The following SLIT3 variants were observed in gnomAD, a reference collection of about 807,000 sequenced individuals.
SLIT3 encodes slit homolog 3 protein.
SLIT3 carries 68 observed loss-of-function variants against 184.0 expected under a neutral mutation model. The observed-to-expected ratio is 0.37, with a 90% CI of 0.30 to 0.45. The LOEUF (loss-of-function observed/expected upper bound fraction) is 0.45. SLIT3 is among the 20% of genes least tolerant of loss of function. SLIT3 has a pLI of 1.00. For missense variants in SLIT3, 1,707 were observed against 2,026.0 expected (o/e 0.84, Z 3.02); for synonymous variants, 831 against 828.6 (o/e 1.00, Z -0.05).
chr5:168,755,527 A>C (rs1345306357), intron 16 of SLIT3, among the ~76,000 whole-genome samples: 1 of 151,132 alleles, frequency 6.6e-6, no homozygotes, highest in Non-Finnish European at 1.5e-5. Flanking sequence ...CTCTGCCCCC[A>C]GGGTTCAAGT....
At chr5:168,693,661 T>C (rs1266236584) in intron 28 of SLIT3, among the ~76,000 whole-genome samples, 1 of 151,778 alleles carries the variant, frequency 6.6e-6, no homozygotes, top group Non-Finnish European at 1.5e-5. Flanking sequence ...AGGAATGGGG[T>C]GGGAGCAGGG....
intron 31 of SLIT3, among the ~76,000 whole-genome samples, chr5:168,685,401 C>T (rs527599274): frequency 7.4e-4 from 113 of 152,208 alleles, no homozygotes; most frequent in Admixed American, 2.6e-3. Context: ...CTGTCTTGAA[C>T]TGAATCCCAA....
intron 12 of SLIT3, among the ~76,000 whole-genome samples, chr5:168,781,551 G>A (rs149767454): frequency 2.8e-4 from 43 of 152,264 alleles, no homozygotes; most frequent in Non-Finnish European, 4.4e-4. Context: ...GTCCCACCTC[G>A]ATTGGGTCTC....
At chr5:168,731,318 C>T (rs1205477767) in intron 20 of SLIT3, among the ~76,000 whole-genome samples, 1 of 151,706 alleles carries the variant, frequency 6.6e-6, no homozygotes, top group African/African-American at 2.4e-5. Context: ...TAAACTGCCA[C>T]CAAAAAGCCC....
At chr5:168,957,432 T>C (rs1210374612) in intron 4 of SLIT3, among the ~76,000 whole-genome samples, 2 of 152,168 alleles carry the variant, frequency 1.3e-5, no homozygotes, top group African/African-American at 4.8e-5. Context: ...CTGTGTCTTG[T>C]AGACCAAAGT....
intron 4 of SLIT3, among the ~76,000 whole-genome samples, chr5:169,124,719 T>G (rs1761011299): frequency 1.3e-5 from 2 of 152,174 alleles, no homozygotes; most frequent in Admixed American, 6.5e-5. Flanking sequence ...ACCAATAATA[T>G]CACCGAGAGA....
chr5:168,917,020 T>G (rs1464891854), intron 4 of SLIT3, among the ~76,000 whole-genome samples: 1 of 152,186 alleles, frequency 6.6e-6, no homozygotes, highest in African/African-American at 2.4e-5. Flanking sequence ...TCATACAACA[T>G]GACTAATATG....
chr5:169,107,072 C>T (rs1355764995), intron 4 of SLIT3, among the ~76,000 whole-genome samples: 2 of 152,260 alleles, frequency 1.3e-5, no homozygotes, highest in African/African-American at 4.8e-5. Flanking sequence ...GGCGTCCTTG[C>T]AGCCACTTCA....
chr5:168,904,570 T>C (rs1760983033), intron 4 of SLIT3, among the ~76,000 whole-genome samples: 3 of 152,222 alleles, frequency 2.0e-5, no homozygotes, highest in South Asian at 2.1e-4. Context: ...CCTTTTGGCA[T>C]AGCCTTCAAT....
At chr5:168,830,785 G>A (rs1757856656) in intron 6 of SLIT3, among the ~76,000 whole-genome samples, 1 of 152,154 alleles carries the variant, frequency 6.6e-6, no homozygotes, top group African/African-American at 2.4e-5. Context: ...GTGACACCAG[G>A]ACCTATATTT....
At chr5:169,046,189 A>G (rs1757616957) in intron 4 of SLIT3, among the ~76,000 whole-genome samples, 1 of 152,164 alleles carries the variant, frequency 6.6e-6, no homozygotes, top group African/African-American at 2.4e-5. Context: ...GGTATTGCCT[A>G]GAGGGACTGT....
At chr5:169,141,734 G>A (rs1389605243) in intron 4 of SLIT3, among the ~76,000 whole-genome samples, 2 of 120,750 alleles carry the variant, frequency 1.7e-5, no homozygotes, top group African/African-American at 3.2e-5. Context: ...GTGAGACTCT[G>A]TCTCAAAAAA....
intron 4 of SLIT3, chr5:169,038,069 C>T (rs1483595949): frequency 6.6e-6 from 1 of 152,206 alleles, no homozygotes; most frequent in Non-Finnish European, 1.5e-5. Context: ...TTTCCAACCT[C>T]TCATGTGCCA....
intron 24 of SLIT3, among the ~76,000 whole-genome samples, chr5:168,711,525 GTTTT>G (rs935792919): frequency 6.8e-6 from 1 of 146,232 alleles, no homozygotes; most frequent in Admixed American, 6.8e-5. Flanking sequence ...TAGAAATTCT[GTTTT>G]TTTTTTTAAA....
At chr5:168,692,218 C>T (rs780881107) in intron 29 of SLIT3, among the ~76,000 whole-genome samples, 1 of 152,168 alleles carries the variant, frequency 6.6e-6, no homozygotes, top group South Asian at 2.1e-4. Context: ...GACCAAATAC[C>T]CTTTAGACGC....
intron 6 of SLIT3, among the ~76,000 whole-genome samples, chr5:168,836,038 C>T (rs1177319516): frequency 6.6e-6 from 1 of 152,162 alleles, no homozygotes; most frequent in Non-Finnish European, 1.5e-5. Flanking sequence ...TTCTTCCCAG[C>T]CTTGTGTCTC....
In SLIT3 at chr5:168,717,056, G is replaced by A. The variant is rs7717398; in HGVS notation, c.2484-4702C>T. On this transcript the variant is annotated intron_variant, in intron 23 of 35. Transcript: ENST00000519560. ...TGTCCAGGGCATTTATATTCTCCCG[G>A]CCTAGAATGTTCTTCACTCCCATCC... is the stretch of plus-strand genomic sequence containing the variant. 9.1e-3 allele frequency among the ~76,000 whole-genome samples: 1,177 copies of A among 128,924 alleles called. 14 individuals carry two copies. The highest frequency in any genetic ancestry group is 0.034 in the African/African-American group (1,074 of 31,524). 84.6% of individuals were successfully genotyped at this position (128,924 alleles called of 152,430 possible).
chr5:168,967,305 C>A (rs1236546717), intron 4 of SLIT3, among the ~76,000 whole-genome samples: 2 of 151,914 alleles, frequency 1.3e-5, no homozygotes, highest in Admixed American at 6.6e-5. Context: ...TCTAGGTGAA[C>A]AATCATGAGT....
chr5:168,726,349 G>T (rs1212017460), intron 20 of SLIT3, among the ~76,000 whole-genome samples: 1 of 83,104 alleles, frequency 1.2e-5, no homozygotes, highest in African/African-American at 4.2e-5. Context: ...GGAGAGGGAG[G>T]CAGGGAGGGA....
Sources: allele counts gnomAD v4.1 joint callset (sites outside exome capture counted in the v4.1 genomes callset), GRCh38; gene constraint gnomAD v4.1.1; transcripts MANE v1.5; gene names NCBI Gene and HGNC (gene_info 2026-07-23, HGNC 2026-07-21).